MYO1D: variants seen among roughly 807,000 people sequenced by gnomAD.
MYO1D encodes the protein myosin ID, also known as unconventional myosin-Id.
A neutral mutation model predicts 122.0 loss-of-function variants in MYO1D; 83 were observed. The ratio of observed to expected loss-of-function variants is 0.68; its 90% confidence interval spans 0.57 to 0.82. The LOEUF (loss-of-function observed/expected upper bound fraction) is 0.82. MYO1D is among the 40% of genes least tolerant of loss of function. MYO1D has a pLI of 0.00. For missense variants in MYO1D, 1,157 were observed against 1,269.5 expected (o/e 0.91, Z 1.35); for synonymous variants, 464 against 446.9 (o/e 1.04, Z -0.48).
chr17:32,808,416 G>A (rs147265104), intron 1 of MYO1D, among the ~76,000 whole-genome samples: 4 of 150,596 alleles, frequency 2.7e-5, no homozygotes, highest in Non-Finnish European at 4.4e-5. Context: ...TAAGTAATAC[G>A]TCAATAATCA....
chr17:32,824,681 CCT>C, intron 1 of MYO1D, among the ~76,000 whole-genome samples: 1 of 152,334 alleles, frequency 6.6e-6, no homozygotes, highest in South Asian at 2.1e-4. Context: ...TGACCCAGGA[CCT>C]CTTTCTTTGG....
At chr17:32,817,773 T>G (rs2090624257) in intron 1 of MYO1D, among the ~76,000 whole-genome samples, 1 of 152,174 alleles carries the variant, frequency 6.6e-6, no homozygotes, top group African/African-American at 2.4e-5. Flanking sequence ...ACAACAACCC[T>G]ATATGGTATG....
At chr17:32,641,686 G>T (rs1487754643) in intron 19 of MYO1D, among the ~76,000 whole-genome samples, 1 of 152,224 alleles carries the variant, frequency 6.6e-6, no homozygotes, top group East Asian at 1.9e-4. Context: ...GATGGCCGGT[G>T]ATGATGAGCA....
At chr17:32,834,994 G>A (rs552920365) in intron 1 of MYO1D, among the ~76,000 whole-genome samples, 1 of 152,242 alleles carries the variant, frequency 6.6e-6, no homozygotes, top group African/African-American at 2.4e-5. Flanking sequence ...CCTGGTGACA[G>A]AGTAAGACTC....
At chr17:32,660,749 C>A (rs1382439308) in intron 16 of MYO1D, among the ~76,000 whole-genome samples, 1 of 152,206 alleles carries the variant, frequency 6.6e-6, no homozygotes, top group African/African-American at 2.4e-5. Flanking sequence ...GTCAGTACAG[C>A]AGCCCTTTTT....
intron 21 of MYO1D, among the ~76,000 whole-genome samples, chr17:32,579,233 A>G (rs2087306390): frequency 6.6e-6 from 1 of 151,830 alleles, no homozygotes; most frequent in African/African-American, 2.4e-5. Flanking sequence ...ATACCCAGGT[A>G]ATTTTTAAAT....
chr17:32,777,358 A>G (rs1309229929), intron 3 of MYO1D, among the ~76,000 whole-genome samples: 1 of 152,150 alleles, frequency 6.6e-6, no homozygotes, highest in Non-Finnish European at 1.5e-5. Context: ...CTTCCTATTT[A>G]TAAAACTGAA....
chr17:32,719,207 A>G (rs955349668), intron 15 of MYO1D, among the ~76,000 whole-genome samples: 1 of 152,174 alleles, frequency 6.6e-6, no homozygotes, highest in African/African-American at 2.4e-5. Flanking sequence ...CCAATCCATG[A>G]GAGAGTCTTG....
chr17:32,538,114 C>T (rs1419243189), intron 21 of MYO1D, among the ~76,000 whole-genome samples: 1 of 151,782 alleles, frequency 6.6e-6, no homozygotes, highest in African/African-American at 2.4e-5. Flanking sequence ...TGCTGTTTTT[C>T]CTTAGTGGAA....
chr17:32,661,725 T>C (rs762350697), intron 16 of MYO1D, among the ~76,000 whole-genome samples: 22 of 152,168 alleles, frequency 1.4e-4, no homozygotes, highest in Middle Eastern at 3.4e-3. Context: ...TTAGACACTA[T>C]CCAAATCACA....
At chr17:32,780,827 A>G (rs10512439) in intron 1 of MYO1D, 43 bp from the exon 2 acceptor site, 723,464 of 1,579,456 alleles carry the variant, frequency 0.46, 169,193 homozygotes, top group East Asian at 0.72. Context: ...CTGTGGTTAC[A>G]GAGAAATGAT....
At chr17:32,802,062 C>A (rs775905767) in intron 1 of MYO1D, among the ~76,000 whole-genome samples, 8 of 152,174 alleles carry the variant, frequency 5.3e-5, no homozygotes, top group Non-Finnish European at 8.8e-5. Flanking sequence ...TGTACCCTGA[C>A]CAGCCTTCTA....
chr17:32,577,535 G>T (rs1483945693), intron 21 of MYO1D, among the ~76,000 whole-genome samples: 1 of 152,094 alleles, frequency 6.6e-6, no homozygotes, highest in African/African-American at 2.4e-5. Context: ...TTTGCAGAAA[G>T]GATGCTTTTA....
intron 1 of MYO1D, among the ~76,000 whole-genome samples, chr17:32,812,790 C>T (rs538211965): frequency 6.6e-6 from 1 of 152,240 alleles, no homozygotes; most frequent in South Asian, 2.1e-4. Flanking sequence ...AGCTTCCTTG[C>T]CTTAACAAAG....
At chr17:32,706,566 A>G (rs927861812) in intron 16 of MYO1D, among the ~76,000 whole-genome samples, 1 of 152,226 alleles carries the variant, frequency 6.6e-6, no homozygotes, top group Non-Finnish European at 1.5e-5. Context: ...ACATTCATGA[A>G]TGTATGGAAG....
At chr17:32,760,916 T>C (rs1190707256) in intron 8 of MYO1D, among the ~76,000 whole-genome samples, 11 of 152,228 alleles carry the variant, frequency 7.2e-5, no homozygotes, top group African/African-American at 2.4e-4. Context: ...ATATCAATAG[T>C]TTGCCTGATC....
At chr17:32,750,385 G>C (rs1375910472) in intron 11 of MYO1D, among the ~76,000 whole-genome samples, 1 of 152,086 alleles carries the variant, frequency 6.6e-6, no homozygotes, top group African/African-American at 2.4e-5. Context: ...AAGCTGAGGC[G>C]GGCGGATTCC....
chr17:32,715,381 A>T (rs1465342882), intron 15 of MYO1D, among the ~76,000 whole-genome samples: 2 of 152,208 alleles, frequency 1.3e-5, no homozygotes, highest in African/African-American at 4.8e-5. Flanking sequence ...GTAGATATGT[A>T]GGAAGCATCT....
At chr17:32,726,543 A>T (rs2089575536) in intron 14 of MYO1D, among the ~76,000 whole-genome samples, 2 of 150,738 alleles carry the variant, frequency 1.3e-5, no homozygotes, top group South Asian at 4.2e-4. Context: ...ATAAATAGAT[A>T]TAATAGATGT....
Sources: allele counts gnomAD v4.1 joint callset (sites outside exome capture counted in the v4.1 genomes callset), GRCh38; gene constraint gnomAD v4.1.1; transcripts MANE v1.5; gene names NCBI Gene and HGNC (gene_info 2026-07-23, HGNC 2026-07-21).